SUMF1: variants seen among roughly 807,000 people sequenced by gnomAD.
SUMF1 encodes sulfatase modifying factor 1, also known as formylglycine-generating enzyme.
SUMF1 carries 48 observed loss-of-function variants against 47.6 expected under a neutral mutation model. The observed-to-expected ratio is 1.01, with a 90% CI of 0.80 to 1.28. SUMF1 has a LOEUF of 1.28. Ranked by LOEUF, SUMF1 falls within the 50% of genes most tolerant of loss-of-function variation. The probability of loss-of-function intolerance (pLI) is 0.00; values close to 1 mark genes in which losing one functional copy is unlikely to be tolerated. For missense variants in SUMF1, 571 were observed against 485.4 expected, an observed-to-expected ratio of 1.18 and a Z score of -1.66; for synonymous variants, 230 against 192.1, an observed-to-expected ratio of 1.20 and a Z score of -1.63.
chr3:4,039,209 A>AT (rs775459424), intron 9 of SUMF1, among the ~76,000 whole-genome samples: 5,507 of 39,804 alleles, frequency 0.14, 351 homozygotes, highest in Middle Eastern at 0.25. Flanking sequence ...ATCTATGCAA[A>AT]TTTTTTTTTT....
At chr3:4,240,820 T>G (rs1696520120) in intron 8 of SUMF1, among the ~76,000 whole-genome samples, 1 of 151,908 alleles carries the variant, frequency 6.6e-6, no homozygotes, top group African/African-American at 2.4e-5. Flanking sequence ...TTATATGTTT[T>G]TATATAATAT....
intron 8 of SUMF1, among the ~76,000 whole-genome samples, chr3:4,184,001 G>A (rs991584824): frequency 1.3e-5 from 2 of 151,998 alleles, no homozygotes; most frequent in Admixed American, 6.6e-5. Flanking sequence ...CGGGCATTGT[G>A]GCACATGCCT....
intron 8 of SUMF1, among the ~76,000 whole-genome samples, chr3:4,154,989 T>A (rs2125108677): frequency 6.6e-6 from 1 of 151,644 alleles, no homozygotes; most frequent in Non-Finnish European, 1.5e-5. Flanking sequence ...AGAAAGGAGA[T>A]GTACCTTTTA....
rs544786586 is a variant in SUMF1 at position 4,316,625 on chromosome 3, T to C, written c.1014+59705A>G. 1.6e-5 allele frequency: 25 copies of C among 1,551,306 alleles called. No homozygotes were observed. The East Asian group carries it at 5.4e-4, about 33-fold the overall frequency. On this transcript the variant is annotated intron_variant and NMD_transcript_variant, in intron 8 of 12. Coordinates refer to the SUMF1 transcript ENST00000448413. ...ATCGTCGTTTTGAAGTGTCATCTTCTCTTATTCTACGCAACCACAACGAAC... is the reference window on the plus strand; with the variant it reads ...ATCGTCGTTTTGAAGTGTCATCTTCCCTTATTCTACGCAACCACAACGAAC...
chr3:4,293,451 C>A (rs1697780148), intron 8 of SUMF1, among the ~76,000 whole-genome samples: 2 of 152,212 alleles, frequency 1.3e-5, no homozygotes, highest in Admixed American at 1.3e-4. Flanking sequence ...TTTTTAAAAG[C>A]CCGAAAAGAT....
chr3:4,124,879 T>A (rs1228859023), intron 8 of SUMF1, among the ~76,000 whole-genome samples: 1 of 151,986 alleles, frequency 6.6e-6, no homozygotes, highest in Non-Finnish European at 1.5e-5. Flanking sequence ...ACTTATATAC[T>A]CATGAAGGGT....
chr3:4,158,069 C>G lies in SUMF1; in HGVS notation c.1015-89324G>C, dbSNP rs143295362. Among the ~76,000 whole-genome samples the G allele has an allele frequency of 2.0e-4, 31 of 151,672 alleles. 2 individuals carry two copies. The highest frequency in any genetic ancestry group is 7.3e-4 in the African/African-American group (30 of 41,000). ...TAATTCAGTCCAATTGAGTTCAATT[C>G]AAAGAGCATCTGCCCTGTGCCAGGT... On this transcript the variant is annotated intron_variant and NMD_transcript_variant, in intron 8 of 12. Coordinates refer to the SUMF1 transcript ENST00000448413.
At chr3:4,258,440 A>T (rs1439750464) in intron 8 of SUMF1, among the ~76,000 whole-genome samples, 1 of 134,224 alleles carries the variant, frequency 7.5e-6, no homozygotes, top group African/African-American at 3.0e-5. Flanking sequence ...ACCCCATCAA[A>T]AAGTGGGCAA....
intron 8 of SUMF1, among the ~76,000 whole-genome samples, chr3:4,364,151 T>C (rs546586563): frequency 1.4e-5 from 2 of 142,500 alleles, no homozygotes; most frequent in African/African-American, 5.0e-5. Context: ...GATTTTTGCA[T>C]CAATGTTCAT....
intron 7 of SUMF1, among the ~76,000 whole-genome samples, chr3:4,377,157 T>G (rs1446435670): frequency 6.6e-6 from 1 of 152,150 alleles, no homozygotes; most frequent in Non-Finnish European, 1.5e-5. Flanking sequence ...GTTTGCTGAT[T>G]GAATGAAAGA....
At chr3:4,464,508 A>C (rs1036698591) in intron 1 of SUMF1, among the ~76,000 whole-genome samples, 2 of 152,188 alleles carry the variant, frequency 1.3e-5, no homozygotes, top group South Asian at 4.1e-4. Flanking sequence ...TGCCCAGCAC[A>C]TAGGATGAAT....
chr3:4,437,718 C>T (rs1575221087), intron 3 of SUMF1, among the ~76,000 whole-genome samples: 2 of 152,126 alleles, frequency 1.3e-5, no homozygotes, highest in South Asian at 2.1e-4. Flanking sequence ...GTAGGGGGAT[C>T]ACTTGAGTTC....
intron 3 of SUMF1, among the ~76,000 whole-genome samples, chr3:4,439,451 A>G (rs1382315581): frequency 6.6e-6 from 1 of 152,120 alleles, no homozygotes; most frequent in Non-Finnish European, 1.5e-5. Flanking sequence ...GCTTGAGCCC[A>G]GGAGGTCAAG....
chr3:4,462,301 T>C (rs2079833312), intron 1 of SUMF1, among the ~76,000 whole-genome samples: 1 of 152,216 alleles, frequency 6.6e-6, no homozygotes, highest in African/African-American at 2.4e-5. Context: ...GAACTTTTGC[T>C]GGAGCTACCA....
At chr3:4,429,494 G>C (rs1323410044) in intron 3 of SUMF1, among the ~76,000 whole-genome samples, 2 of 152,198 alleles carry the variant, frequency 1.3e-5, no homozygotes, top group African/African-American at 2.4e-5. Flanking sequence ...ACAGAACATA[G>C]AAAAGGCATT....
chr3:4,385,937 TC>T (rs1181576930), intron 7 of SUMF1, among the ~76,000 whole-genome samples: 5 of 152,218 alleles, frequency 3.3e-5, no homozygotes, highest in African/African-American at 1.2e-4. Flanking sequence ...CAGTTGGGCA[TC>T]ATATATGTGT....
chr3:4,227,228 C>A (rs77351358), intron 8 of SUMF1, among the ~76,000 whole-genome samples: 2,616 of 152,230 alleles, frequency 0.017, 93 homozygotes, highest in African/African-American at 0.06. Flanking sequence ...CTTGACCATT[C>A]AAGTCATTCA....
intron 8 of SUMF1, among the ~76,000 whole-genome samples, chr3:4,211,744 A>G (rs565936300): frequency 6.6e-6 from 1 of 152,274 alleles, no homozygotes; most frequent in South Asian, 2.1e-4. Context: ...GGCTAAAATT[A>G]TAAGAACTGA....
chr3:4,420,713 A>C (rs1701871176), intron 3 of SUMF1, among the ~76,000 whole-genome samples: 1 of 151,888 alleles, frequency 6.6e-6, no homozygotes, highest in Non-Finnish European at 1.5e-5. Flanking sequence ...GAATTTTTAA[A>C]AAGTGCATGG....
Sources: gnomAD v4.1 joint callset for allele counts (sites outside exome capture counted in the v4.1 genomes callset) on GRCh38, gnomAD v4.1.1 for gene constraint, MANE v1.5 for transcripts, NCBI Gene and HGNC (gene_info 2026-07-23, HGNC 2026-07-21) for gene names.